TNRC6A: variants seen among roughly 807,000 people sequenced by gnomAD.
TNRC6A encodes the protein trinucleotide repeat containing adaptor 6A.
In TNRC6A, 44 loss-of-function variants were observed where a neutral mutation model predicts 221.2. The observed-to-expected ratio is 0.20, with a 90% CI of 0.16 to 0.26. TNRC6A has a LOEUF of 0.26. Ranked by LOEUF, TNRC6A falls within the 10% of genes least tolerant of loss-of-function variation. TNRC6A has a pLI of 1.00. For missense variants in TNRC6A, 2,199 were observed against 2,404.4 expected (o/e 0.91, Z 1.79); for synonymous variants, 847 against 838.5 (o/e 1.01, Z -0.18).
intron 4 of TNRC6A, 30 bp downstream of exon 4, chr16:24,758,390 T>C (rs1457586235): frequency 3.7e-6 from 6 of 1,603,522 alleles, no homozygotes; most frequent in African/African-American, 2.7e-5. Flanking sequence ...TTTTTATCCC[T>C]TTTTTCATTA....
chr16:24,821,355 G>A (rs1022417505), intron 22 of TNRC6A, among the ~76,000 whole-genome samples: 9 of 152,192 alleles, frequency 5.9e-5, no homozygotes, highest in African/African-American at 2.2e-4. Flanking sequence ...AAACCTGTAG[G>A]AGTAAGCCAA....
chr16:24,790,744 A>T lies in TNRC6A; in HGVS notation c.2102A>T (p.His701Leu). ...AGAGACAGAAGAAAAATTGATCAGCACACATTACTCCAAAGCATTGTAAAC... is the reference window on the plus strand; with the variant it reads ...AGAGACAGAAGAAAAATTGATCAGCTCACATTACTCCAAAGCATTGTAAAC... ...QSRDRRKIDQHTLLQSIVNRT... is the reference protein window; with the variant it reads ...QSRDRRKIDQLTLLQSIVNRT... Residue 701 changes from histidine (H) to leucine (L), a missense_variant, in exon 6 of 25, where the codon CAC becomes CTC. His to Leu is a moderately conservative substitution (Grantham distance 99). Transcript: ENST00000395799. 1 of 1,614,148 alleles carries T rather than the reference A, an allele frequency of 6.2e-7. No homozygotes were observed. Among genetic ancestry groups the T allele is most frequent in the Non-Finnish European group, 8.5e-7 (1 of 1,180,012 alleles).
chr16:24,615,441 G>C (rs1282096040), intron 1 of TNRC6A, among the ~76,000 whole-genome samples: 1 of 152,170 alleles, frequency 6.6e-6, no homozygotes, highest in Non-Finnish European at 1.5e-5. Context: ...AGATCACTTA[G>C]AGAGTGTAAA....
chr16:24,691,045 C>T (rs1466956696), intron 2 of TNRC6A, among the ~76,000 whole-genome samples: 1 of 152,000 alleles, frequency 6.6e-6, no homozygotes, highest in East Asian at 1.9e-4. Context: ...CTCCTGACCT[C>T]GTGATCCACC....
At chr16:24,815,940 C>T (rs970307094) in intron 19 of TNRC6A, 1 of 153,702 alleles carries the variant, frequency 6.5e-6, no homozygotes, top group African/African-American at 2.4e-5. Context: ...ACCAGAAGTG[C>T]TTCTATGGCC....
chr16:24,731,689 A>G (rs544158329), intron 2 of TNRC6A, among the ~76,000 whole-genome samples: 1 of 152,368 alleles, frequency 6.6e-6, no homozygotes, highest in South Asian at 2.1e-4. Flanking sequence ...TCAGGTAACT[A>G]TATCAGTATA....
At chr16:24,637,106 G>C (rs778871411) in intron 1 of TNRC6A, among the ~76,000 whole-genome samples, 15 of 152,038 alleles carry the variant, frequency 9.9e-5, no homozygotes, top group Non-Finnish European at 1.9e-4. Flanking sequence ...GATGATGGCT[G>C]ACTGCAACCT....
chr16:24,737,883 T>A (rs1019418835), intron 2 of TNRC6A, among the ~76,000 whole-genome samples: 10 of 152,360 alleles, frequency 6.6e-5, no homozygotes, highest in South Asian at 2.1e-4. Flanking sequence ...TAGTTAAGTG[T>A]GTGCTGATTT....
At chr16:24,616,918 C>A (rs114713190) in intron 1 of TNRC6A, among the ~76,000 whole-genome samples, 2,539 of 151,502 alleles carry the variant, frequency 0.017, 68 homozygotes, top group African/African-American at 0.058. Flanking sequence ...GAGACTCCAC[C>A]TCAAAAAAAC....
chr16:24,770,364 C>T (rs985563656), intron 4 of TNRC6A, among the ~76,000 whole-genome samples: 40 of 152,022 alleles, frequency 2.6e-4, no homozygotes, highest in African/African-American at 9.7e-4. Flanking sequence ...TGATAGATTT[C>T]GGGATGCGTG....
Position 24,802,252 on chromosome 16 carries a change from T to C in TNRC6A, c.3695-1925T>C, listed in dbSNP as rs183820031. Among the ~76,000 whole-genome samples the C allele has an allele frequency of 1.8e-4, 27 of 152,238 alleles. No individual in the cohort carries two copies. In the East Asian group the frequency reaches 5.2e-3, roughly 29 times the overall value. ...GGAATAGGGAGATGAAAACCTGTGT[T>C]AACAGTGACAATGAGGCCGGGCACA... On this transcript the variant is annotated intron_variant, in intron 11 of 24. Transcript: ENST00000395799.
At chr16:24,768,236 C>T (rs2057515249) in intron 4 of TNRC6A, among the ~76,000 whole-genome samples, 1 of 151,870 alleles carries the variant, frequency 6.6e-6, no homozygotes, top group Admixed American at 6.6e-5. Context: ...TTGAGACCAT[C>T]CTGGCTAACA....
At chr16:24,811,873 T>C (rs922666316) in intron 18 of TNRC6A, among the ~76,000 whole-genome samples, 13 of 152,070 alleles carry the variant, frequency 8.5e-5, no homozygotes, top group Admixed American at 3.9e-4. Flanking sequence ...AACTAAACTT[T>C]AGGGTCAGAT....
At chr16:24,779,751 C>T (rs1046575229) in intron 5 of TNRC6A, among the ~76,000 whole-genome samples, 4 of 152,154 alleles carry the variant, frequency 2.6e-5, no homozygotes, top group African/African-American at 9.7e-5. Flanking sequence ...CACAAACATT[C>T]TTTGTTGTGA....
At chr16:24,654,502 C>T (rs937280765) in intron 2 of TNRC6A, among the ~76,000 whole-genome samples, 19 of 152,020 alleles carry the variant, frequency 1.2e-4, no homozygotes, top group Non-Finnish European at 2.2e-4. Flanking sequence ...ATCAGGAATT[C>T]GAGACCAGTC....
In TNRC6A at chr16:24,758,360, G is replaced by A; in HGVS notation, c.163G>A (p.Val55Met). Residue 55 changes from valine to methionine, a missense_variant and splice_region_variant, in exon 4 of 25, where the codon GTG (valine) becomes ATG (methionine). Physicochemically the swap from Val to Met is conservative, Grantham distance 21. Around this residue, in one of 8 missense-constraint regions of TNRC6A, gnomAD observed 1,405 missense variants for 1,400.2 expected, o/e 1.00. Transcript: ENST00000395799. ...TTAGGCCACTGAACAAAAAATCAAAGGTACGTTGTTTAAAGCTATTTTTTA... is the reference window on the plus strand; with the variant it reads ...TTAGGCCACTGAACAAAAAATCAAAAGTACGTTGTTTAAAGCTATTTTTTA... ...QKKATEQKIK[V>M]PEQIKPSVSQ... is the part of the protein sequence containing the mutation. 1 of 1,610,180 alleles carries A rather than the reference G, an allele frequency of 6.2e-7. No homozygotes were observed. The highest frequency in any genetic ancestry group is 1.1e-5 in the South Asian group (1 of 90,928).
At chr16:24,669,729 G>A (rs2055250122) in intron 2 of TNRC6A, among the ~76,000 whole-genome samples, 1 of 151,934 alleles carries the variant, frequency 6.6e-6, no homozygotes, top group Non-Finnish European at 1.5e-5. Flanking sequence ...GCTGAATTGT[G>A]TAATCCCCAT....
In TNRC6A at chr16:24,823,383, C is replaced by G; in HGVS notation, c.5514-49C>G. ...CACCCTCACTTGTGAGTGAATGAAG[C>G]CCTCCTGGTGTGCTGTCCTCACGTG... On this transcript the variant is annotated intron_variant, in intron 24 of 24. Coordinates refer to ENST00000395799, the MANE Select transcript of TNRC6A (RefSeq NM_014494.4). The surrounding 1 kb of genome is among the most constrained non-coding windows in gnomAD (Gnocchi z 4.3). The G allele has an allele frequency of 6.5e-7, 1 of 1,543,466 alleles. No homozygotes were observed. The highest frequency in any genetic ancestry group is 8.7e-7 in the Non-Finnish European group (1 of 1,144,704).
intron 2 of TNRC6A, among the ~76,000 whole-genome samples, chr16:24,666,323 A>C (rs2141957768): frequency 6.6e-6 from 1 of 151,920 alleles, no homozygotes; most frequent in South Asian, 2.1e-4. Context: ...AAAAGAAAAA[A>C]TTAGCCAGGC....
Sources: allele counts gnomAD v4.1 joint callset (sites outside exome capture counted in the v4.1 genomes callset), GRCh38; gene constraint gnomAD v4.1.1; regional missense constraint gnomAD v4.1.1; non-coding constraint Gnocchi (gnomAD v3.1); transcripts MANE v1.5; gene names NCBI Gene and HGNC (gene_info 2026-07-23, HGNC 2026-07-21).